HSD17B12: variants seen among roughly 807,000 people sequenced by gnomAD.
The protein encoded by HSD17B12 is very-long-chain 3-oxoacyl-CoA reductase.
A neutral mutation model predicts 39.3 loss-of-function variants in HSD17B12; 32 were observed. The observed-to-expected ratio is 0.81, with a 90% CI of 0.61 to 1.09. The LOEUF is 1.09. HSD17B12 is among the 50% of genes least tolerant of loss of function. The pLI is 0.00. For missense variants in HSD17B12, 342 were observed against 382.9 expected, an observed-to-expected ratio of 0.89 and a Z score of 0.89; for synonymous variants, 150 against 146.7, an observed-to-expected ratio of 1.02 and a Z score of -0.16.
intron 1 of HSD17B12, among the ~76,000 whole-genome samples, chr11:43,691,211 C>A (rs1949859544): frequency 6.6e-6 from 1 of 152,126 alleles, no homozygotes; most frequent in Admixed American, 6.5e-5. Context: ...TGAAGTGGAC[C>A]AGGTGTAATG....
chr11:43,573,417 T>C, the HSD17B12 span, among the ~76,000 whole-genome samples: 1 of 152,208 alleles, frequency 6.6e-6, no homozygotes. Context: ...TCTTGATTAC[T>C]GGAGCAAGAC....
chr11:43,638,794 A>G, the HSD17B12 span, among the ~76,000 whole-genome samples: 1 of 152,212 alleles, frequency 6.6e-6, no homozygotes, highest in Non-Finnish European at 1.5e-5. Context: ...AATGAGTCAG[A>G]TTAATTTGGC....
chr11:43,696,590 T>C (rs1161135171), intron 1 of HSD17B12, among the ~76,000 whole-genome samples: 1 of 152,188 alleles, frequency 6.6e-6, no homozygotes, highest in Non-Finnish European at 1.5e-5. Context: ...AGTTCAACCA[T>C]TGTGGAAGAC....
chr11:43,735,362 G>C (rs1028627710), intron 1 of HSD17B12, among the ~76,000 whole-genome samples: 1 of 152,110 alleles, frequency 6.6e-6, no homozygotes, highest in African/African-American at 2.4e-5. Flanking sequence ...TCCTTCAGTG[G>C]CTGCACCATT....
At chr11:43,773,494 C>T (rs1950669287) in intron 3 of HSD17B12, among the ~76,000 whole-genome samples, 1 of 152,220 alleles carries the variant, frequency 6.6e-6, no homozygotes, top group East Asian at 1.9e-4. Flanking sequence ...CCACCTTGGC[C>T]TCACAATATG....
At chr11:43,633,292 G>A in the HSD17B12 span, among the ~76,000 whole-genome samples, 1 of 152,162 alleles carries the variant, frequency 6.6e-6, no homozygotes, top group Non-Finnish European at 1.5e-5. Context: ...AGCACTTTGG[G>A]AGGCCAAGGC....
the HSD17B12 span, among the ~76,000 whole-genome samples, chr11:43,557,245 G>T: frequency 6.6e-6 from 1 of 152,206 alleles, no homozygotes; most frequent in African/African-American, 2.4e-5. Context: ...CTGTGGTTTG[G>T]GGGTGGAGGG....
At chr11:43,593,312 C>A in the HSD17B12 span, among the ~76,000 whole-genome samples, 1 of 152,090 alleles carries the variant, frequency 6.6e-6, no homozygotes, top group Non-Finnish European at 1.5e-5. Context: ...AGTCTATCTG[C>A]CACATAAATA....
chr11:43,648,359 T>G, the HSD17B12 span, among the ~76,000 whole-genome samples: 1 of 152,002 alleles, frequency 6.6e-6, no homozygotes, highest in Non-Finnish European at 1.5e-5. Flanking sequence ...TTGAATTTCT[T>G]TTTTGGGAAA....
chr11:43,774,418 T>G (rs996617430), intron 3 of HSD17B12, among the ~76,000 whole-genome samples: 1 of 152,130 alleles, frequency 6.6e-6, no homozygotes, highest in African/African-American at 2.4e-5. Flanking sequence ...TTTTACCATG[T>G]TGGCCAGGAT....
the HSD17B12 span, among the ~76,000 whole-genome samples, chr11:43,601,516 TTTTA>T: frequency 4.3e-5 from 5 of 116,004 alleles, no homozygotes; most frequent in East Asian, 1.8e-3. Context: ...TTTTTTTTTT[TTTTA>T]AAGTAGCCTG....
At chr11:43,686,677 C>T (rs904559087) in intron 1 of HSD17B12, among the ~76,000 whole-genome samples, 2 of 151,552 alleles carry the variant, frequency 1.3e-5, no homozygotes, top group African/African-American at 4.9e-5. Context: ...ACTTGGAGAC[C>T]CAAACCTAGA....
At chr11:43,565,767 T>C in the HSD17B12 span, among the ~76,000 whole-genome samples, 1 of 152,192 alleles carries the variant, frequency 6.6e-6, no homozygotes, top group Admixed American at 6.5e-5. Context: ...ATCTGAGAGA[T>C]CATCTTAGAA....
intron 6 of HSD17B12, among the ~76,000 whole-genome samples, chr11:43,824,217 T>C (rs1951210506): frequency 6.6e-6 from 1 of 152,190 alleles, no homozygotes; most frequent in Non-Finnish European, 1.5e-5. Flanking sequence ...TTGACTTCTC[T>C]CACTCATTTA....
At chr11:43,820,098 T>G (rs1001324605) in intron 6 of HSD17B12, among the ~76,000 whole-genome samples, 24 of 152,122 alleles carry the variant, frequency 1.6e-4, no homozygotes, top group African/African-American at 5.6e-4. Flanking sequence ...AGAAAATGGC[T>G]TGACGGGAGC....
At chr11:43,659,167 T>C in the HSD17B12 span, among the ~76,000 whole-genome samples, 4 of 152,232 alleles carry the variant, frequency 2.6e-5, no homozygotes, top group African/African-American at 9.6e-5. Flanking sequence ...TGAGCAAGGC[T>C]CCATGGGCGT....
chr11:43,663,056 TTGAGAGACAGGGTC>T, the HSD17B12 span, among the ~76,000 whole-genome samples: 21 of 5,140 alleles, frequency 4.1e-3, no homozygotes, highest in East Asian at 0.17. Context: ...AAAAATTTTT[TTGAGAGACAGGGTC>T]TTGCCTTGTT....
intron 3 of HSD17B12, 52 bp downstream of exon 3, chr11:43,754,173 G>T: frequency 8.2e-7 from 1 of 1,223,084 alleles, no homozygotes. Context: ...ATGTTTTCAA[G>T]CAGTTATCCG....
At chr11:43,728,065 T>G (rs1950236883) in intron 1 of HSD17B12, among the ~76,000 whole-genome samples, 1 of 152,004 alleles carries the variant, frequency 6.6e-6, no homozygotes, top group Admixed American at 6.6e-5. Flanking sequence ...TTTGTTTGTT[T>G]TTTGTTTTTT....
Sources: allele counts gnomAD v4.1 joint callset (sites outside exome capture counted in the v4.1 genomes callset), GRCh38; gene constraint gnomAD v4.1.1; transcripts MANE v1.5; gene names NCBI Gene and HGNC (gene_info 2026-07-23, HGNC 2026-07-21).